Variants in AGBL4 observed in about 807,000 individuals in gnomAD.
AGBL4 encodes the protein AGBL carboxypeptidase 4.
A neutral mutation model predicts 66.4 loss-of-function variants in AGBL4; 58 were observed. That is an observed-to-expected ratio of 0.87 (90% confidence interval 0.71 to 1.09). The LOEUF is 1.09. AGBL4 is among the 50% of genes least tolerant of loss of function. The probability of loss-of-function intolerance (pLI) is 0.00; values close to 1 mark genes in which losing one functional copy is unlikely to be tolerated. For synonymous variants in AGBL4, 234 were observed against 222.9 expected (o/e 1.05, Z -0.44); for missense variants, 579 against 631.0 (o/e 0.92, Z 0.88).
At chr1:49,146,560 C>G (rs1646221994) in intron 4 of AGBL4, among the ~76,000 whole-genome samples, 1 of 152,120 alleles carries the variant, frequency 6.6e-6, no homozygotes, top group Non-Finnish European at 1.5e-5. Context: ...AAACACCTAG[C>G]TGAGAGAAAA....
intron 4 of AGBL4, among the ~76,000 whole-genome samples, chr1:49,105,474 G>A (rs113104637): frequency 3.3e-5 from 5 of 152,262 alleles, no homozygotes; most frequent in African/African-American, 1.2e-4. Flanking sequence ...TACACAGTGA[G>A]CTAGTGGAGA....
chr1:49,770,289 TTTTATC>T (rs1236771841), intron 2 of AGBL4, among the ~76,000 whole-genome samples: 1 of 152,236 alleles, frequency 6.6e-6, no homozygotes, highest in Non-Finnish European at 1.5e-5. Flanking sequence ...AATGATATGA[TTTTATC>T]TTTATTTTGT....
At chr1:49,483,960 CAAA>C (rs1170649236) in intron 3 of AGBL4, among the ~76,000 whole-genome samples, 1 of 151,890 alleles carries the variant, frequency 6.6e-6, no homozygotes, top group African/African-American at 2.4e-5. Flanking sequence ...ATACATCTCT[CAAA>C]AGAAGACATA....
intron 5 of AGBL4, among the ~76,000 whole-genome samples, chr1:48,975,151 G>A (rs1659214909): frequency 6.6e-6 from 1 of 152,022 alleles, no homozygotes; most frequent in South Asian, 2.1e-4. Flanking sequence ...AGGGGTCTGG[G>A]GCATATTGGA....
At chr1:49,052,659 C>A (rs1404871900) in intron 4 of AGBL4, among the ~76,000 whole-genome samples, 2 of 152,092 alleles carry the variant, frequency 1.3e-5, no homozygotes, top group African/African-American at 4.8e-5. Context: ...CAGGTTTGCA[C>A]TGAAGTTTTG....
At chr1:49,759,005 C>A (rs907917009) in intron 2 of AGBL4, among the ~76,000 whole-genome samples, 3 of 152,108 alleles carry the variant, frequency 2.0e-5, no homozygotes, top group Admixed American at 1.3e-4. Flanking sequence ...GGGCAGTTTT[C>A]CCCAAGCTGA....
chr1:49,420,232 G>C (rs969960731), intron 3 of AGBL4, among the ~76,000 whole-genome samples: 6 of 152,146 alleles, frequency 3.9e-5, no homozygotes, highest in African/African-American at 1.4e-4. Context: ...GGCATGACAT[G>C]TGAAGTCAGA....
At chr1:48,816,043 TTTTG>T (rs1374222124) in intron 6 of AGBL4, among the ~76,000 whole-genome samples, 1 of 101,060 alleles carries the variant, frequency 9.9e-6, no homozygotes, top group Non-Finnish European at 2.0e-5. Flanking sequence ...TGAGGAACTG[TTTTG>T]TGTGTGTGTG....
Position 49,569,589 on chromosome 1 carries a change from TA to T in AGBL4, c.282+127723del, listed in dbSNP as rs545296749. 1.9e-3 allele frequency among the ~76,000 whole-genome samples: 296 copies of T among 152,346 alleles called. 10 individuals carry two copies. The South Asian group carries it at 0.059, about 30-fold the overall frequency. On this transcript the variant is annotated intron_variant, in intron 3 of 13. Transcript: ENST00000371839. ...TTTTAATATTTGCCTTTGACTTATT[TA>T]TTTTTTTATATAAATTTATTGGGTA... is the stretch of plus-strand genomic sequence containing the variant.
At chr1:49,829,729 T>G (rs1247859463) in intron 2 of AGBL4, among the ~76,000 whole-genome samples, 1 of 152,134 alleles carries the variant, frequency 6.6e-6, no homozygotes, top group African/African-American at 2.4e-5. Flanking sequence ...CAACTCATCA[T>G]GTATATTAGG....
chr1:49,338,526 G>T (rs535754278), intron 3 of AGBL4, among the ~76,000 whole-genome samples: 1 of 151,942 alleles, frequency 6.6e-6, no homozygotes, highest in Admixed American at 6.6e-5. Flanking sequence ...CATATTTGTC[G>T]CACATCTTTT....
At chr1:48,978,710 C>T (rs1659529372) in intron 5 of AGBL4, among the ~76,000 whole-genome samples, 1 of 152,026 alleles carries the variant, frequency 6.6e-6, no homozygotes, top group South Asian at 2.1e-4. Flanking sequence ...TATACTAAGC[C>T]CTTTTGTTGA....
intron 4 of AGBL4, among the ~76,000 whole-genome samples, chr1:49,093,766 C>T (rs947828411): frequency 6.6e-6 from 1 of 152,148 alleles, no homozygotes; most frequent in African/African-American, 2.4e-5. Context: ...GGTTCTTTAA[C>T]TTCAAATCTT....
chr1:49,644,371 T>C (rs555007636), intron 3 of AGBL4, among the ~76,000 whole-genome samples: 1 of 151,620 alleles, frequency 6.6e-6, no homozygotes, highest in African/African-American at 2.4e-5. Flanking sequence ...TCAAACTGGG[T>C]TCAAAAGTAA....
intron 3 of AGBL4, among the ~76,000 whole-genome samples, chr1:49,481,112 G>A (rs878980067): frequency 6.6e-6 from 1 of 151,966 alleles, no homozygotes; most frequent in African/African-American, 2.4e-5. Flanking sequence ...CTTGGCTTTC[G>A]GGTTCTTTTC....
At chr1:48,974,926 T>G (rs775485485) in intron 5 of AGBL4, among the ~76,000 whole-genome samples, 6 of 152,154 alleles carry the variant, frequency 3.9e-5, no homozygotes, top group Non-Finnish European at 7.3e-5. Context: ...ATTTCAATTC[T>G]CTTGCTTTTT....
At chr1:49,921,049 T>C (rs544443599) in intron 1 of AGBL4, among the ~76,000 whole-genome samples, 4 of 152,102 alleles carry the variant, frequency 2.6e-5, no homozygotes, top group South Asian at 4.2e-4. Flanking sequence ...ATGAGAACAC[T>C]TGGACACAGG....
chr1:49,296,727 C>T (rs192065105), intron 3 of AGBL4, among the ~76,000 whole-genome samples: 33 of 152,200 alleles, frequency 2.2e-4, no homozygotes, highest in Admixed American at 6.5e-4. Context: ...TTGGGTTTAT[C>T]AACATGAAAA....
chr1:49,141,221 GAATTA>G (rs1317758948), intron 4 of AGBL4, among the ~76,000 whole-genome samples: 1 of 152,100 alleles, frequency 6.6e-6, no homozygotes, highest in African/African-American at 2.4e-5. Context: ...GAATTCAAAT[GAATTA>G]GAGACTGAAA....
Sources: allele counts gnomAD v4.1 joint callset (sites outside exome capture counted in the v4.1 genomes callset), GRCh38; gene constraint gnomAD v4.1.1; transcripts MANE v1.5; gene names NCBI Gene and HGNC (gene_info 2026-07-23, HGNC 2026-07-21).